CD44: variants seen among roughly 807,000 people sequenced by gnomAD.
The protein encoded by CD44 is CD44 molecule (IN blood group), also known as CD44 antigen.
Under a neutral mutation model 88.8 loss-of-function variants are expected in CD44, and 49 were observed. The ratio of observed to expected loss-of-function variants is 0.55; its 90% CI spans 0.44 to 0.70. The LOEUF is 0.70. Among genes scored for constraint, CD44 ranks in the 30% least tolerant of loss-of-function variants. The probability of loss-of-function intolerance (pLI) is 0.00; values close to 1 mark genes in which losing one functional copy is unlikely to be tolerated. For synonymous variants in CD44, 325 were observed against 312.3 expected (o/e 1.04, Z -0.43); for missense variants, 883 against 913.8 (o/e 0.97, Z 0.43).
rs1950048716 is a variant in CD44 at position 35,231,381 on chromosome 11, C to T, written c.*2048C>T. 6.6e-6 allele frequency: 1 copy of T among 152,112 alleles called. No individual in the cohort carries two copies. Among genetic ancestry groups the T allele is most frequent in the South Asian group, 2.1e-4 (1 of 4,810 alleles). The allele number at this position is 152,112 out of a possible 1,614,324, so 9.4% of individuals were successfully genotyped here. ...GTTACAACAGCCTCTACCTGTCGCC[C>T]CAGGGAGAAAGGGGTAGTGATACAA... On this transcript the variant is annotated 3_prime_UTR_variant, in exon 18 of 18. Transcript: ENST00000428726.
chr11:35,142,706 A>G (rs1457594145), intron 1 of CD44, among the ~76,000 whole-genome samples: 1 of 152,206 alleles, frequency 6.6e-6, no homozygotes, highest in Admixed American at 6.5e-5. Context: ...GCATGGTGAC[A>G]AGTCCTTGTG....
intron 6 of CD44, 107 bp from the exon 7 acceptor site, chr11:35,198,014 T>A: frequency 8.0e-7 from 1 of 1,243,700 alleles, no homozygotes; most frequent in Non-Finnish European, 1.1e-6. Flanking sequence ...CTCACTTTCT[T>A]TTAAAAATCC....
At chr11:35,139,574 GAA>G in intron 1 of CD44, 1 of 766,336 alleles carries the variant, frequency 1.3e-6, no homozygotes, top group Non-Finnish European at 2.4e-6. Context: ...TTGGTTGAAA[GAA>G]AAAGAGAAAG....
chr11:35,150,382 G>T (rs898039107), intron 1 of CD44, among the ~76,000 whole-genome samples: 1 of 152,096 alleles, frequency 6.6e-6, no homozygotes, highest in Non-Finnish European at 1.5e-5. Context: ...GTGAATTTCT[G>T]CTTCTACTGA....
At chr11:35,145,881 G>T (rs531161673) in intron 1 of CD44, among the ~76,000 whole-genome samples, 1 of 152,216 alleles carries the variant, frequency 6.6e-6, no homozygotes, top group Non-Finnish European at 1.5e-5. Context: ...GGGCAAATCC[G>T]TAGGGAATCC....
intron 1 of CD44, among the ~76,000 whole-genome samples, chr11:35,142,377 C>G (rs745498693): frequency 6.6e-6 from 1 of 151,994 alleles, no homozygotes; most frequent in Non-Finnish European, 1.5e-5. Context: ...GCATTATTCA[C>G]AATAGCAAAG....
chr11:35,206,861 T>A (rs1262611371), intron 11 of CD44, among the ~76,000 whole-genome samples: 2 of 152,198 alleles, frequency 1.3e-5, no homozygotes, highest in African/African-American at 4.8e-5. Context: ...AGTTTGCACA[T>A]GGCAGCTGGA....
intron 1 of CD44, among the ~76,000 whole-genome samples, chr11:35,174,617 T>C (rs1944252933): frequency 6.6e-6 from 1 of 152,246 alleles, no homozygotes; most frequent in Non-Finnish European, 1.5e-5. Context: ...TTTCTAGCTC[T>C]CTATTGGAAT....
chr11:35,194,571 T>G (rs1369412705), intron 5 of CD44, among the ~76,000 whole-genome samples: 1 of 152,188 alleles, frequency 6.6e-6, no homozygotes, highest in East Asian at 1.9e-4. Flanking sequence ...GCTTATCAGC[T>G]CTCCTGGATG....
At chr11:35,181,661 T>C (rs926052106) in intron 3 of CD44, among the ~76,000 whole-genome samples, 4 of 134,206 alleles carry the variant, frequency 3.0e-5, no homozygotes, top group African/African-American at 1.1e-4. Context: ...CACAGATATA[T>C]ACATATACAT....
chr11:35,217,605 C>T (rs1055169632), intron 15 of CD44, among the ~76,000 whole-genome samples: 7 of 152,234 alleles, frequency 4.6e-5, no homozygotes, highest in African/African-American at 1.4e-4. Context: ...ACTGGTTTTG[C>T]TCCCTTTTAA....
In CD44 at chr11:35,139,711, C is replaced by T. The variant is rs949680242; in HGVS notation, c.67+341C>T. On this transcript the variant is annotated intron_variant, in intron 1 of 17. Coordinates refer to ENST00000428726, the MANE Select transcript of CD44 (RefSeq NM_000610.4). Reference sequence around the variant, plus strand: ...CAGTCGTTGTCTGGACTAACAGGCTCCTGTGCCCAAGGGCTCGCCAAGCCC... The same window carrying T: ...CAGTCGTTGTCTGGACTAACAGGCTTCTGTGCCCAAGGGCTCGCCAAGCCC... The T allele has an allele frequency of 4.6e-5, 25 of 545,542 alleles. 1 individual carries two copies. Among genetic ancestry groups the T allele is most frequent in the Admixed American group, 4.2e-4 (19 of 45,370 alleles). 33.8% of individuals were successfully genotyped at this position (545,542 alleles called of 1,614,324 possible).
At chr11:35,198,814 T>TA (rs756331345) in intron 7 of CD44, among the ~76,000 whole-genome samples, 1 of 151,772 alleles carries the variant, frequency 6.6e-6, no homozygotes, top group Non-Finnish European at 1.5e-5. Context: ...CCATCTCTAC[T>TA]AAAAAATACA....
intron 16 of CD44, among the ~76,000 whole-genome samples, chr11:35,220,828 G>A (rs12291116): frequency 0.29 from 41,154 of 144,392 alleles, 6,262 homozygotes; most frequent in South Asian, 0.48. Flanking sequence ...GTGCAGTGGC[G>A]CGACCTCGGC....
intron 2 of CD44, 61 bp downstream of exon 2, chr11:35,176,801 T>G: frequency 6.6e-7 from 1 of 1,516,634 alleles, no homozygotes; most frequent in East Asian, 2.3e-5. Flanking sequence ...GCAGCTGGGC[T>G]TAGAACTGGA....
intron 1 of CD44, among the ~76,000 whole-genome samples, chr11:35,148,945 C>T (rs1388332989): frequency 3.9e-5 from 6 of 152,144 alleles, no homozygotes; most frequent in Non-Finnish European, 5.9e-5. Flanking sequence ...ATCCTCAACC[C>T]GCCTCCTCCC....
chr11:35,215,576 T>C (rs151129148), intron 15 of CD44, among the ~76,000 whole-genome samples: 3 of 152,312 alleles, frequency 2.0e-5, no homozygotes, highest in Non-Finnish European at 4.4e-5. Context: ...ACTGCCATTA[T>C]TGTAGGTCAA....
chr11:35,217,831 T>C (rs1565153037), intron 15 of CD44, among the ~76,000 whole-genome samples: 1 of 152,228 alleles, frequency 6.6e-6, no homozygotes, highest in Non-Finnish European at 1.5e-5. Context: ...TGGAACACTT[T>C]CAAATTTTGT....
At chr11:35,171,009 C>A (rs1370631156) in intron 1 of CD44, among the ~76,000 whole-genome samples, 1 of 152,192 alleles carries the variant, frequency 6.6e-6, no homozygotes, top group African/African-American at 2.4e-5. Flanking sequence ...ATATTACCCA[C>A]CTCATAGGAA....
Sources: gnomAD v4.1 joint callset for allele counts (sites outside exome capture counted in the v4.1 genomes callset) on GRCh38, gnomAD v4.1.1 for gene constraint, MANE v1.5 for transcripts, NCBI Gene and HGNC (gene_info 2026-07-23, HGNC 2026-07-21) for gene names.